The following VSIG4 variants were observed in gnomAD, a reference collection of about 807,000 sequenced individuals.
The protein encoded by VSIG4 is V-set and immunoglobulin domain containing 4.
A neutral mutation model predicts 23.4 loss-of-function variants in VSIG4; 34 were observed. The observed-to-expected ratio is 1.45, with a 90% CI of 1.10 to 1.93. The LOEUF (loss-of-function observed/expected upper bound fraction) is 1.93. Among genes scored for constraint, VSIG4 ranks in the 30% most tolerant of loss-of-function variants. The pLI, the probability that VSIG4 is intolerant of heterozygous loss-of-function variation, is 0.00. For missense variants in VSIG4, 433 were observed against 310.8 expected (o/e 1.39, Z -2.96); for synonymous variants, 169 against 120.3 (o/e 1.41, Z -2.65).
chrX:66,026,762 C>A, intron 5 of VSIG4, among the ~76,000 whole-genome samples: 2 of 111,635 alleles, frequency 1.8e-5, no homozygotes, highest in Admixed American at 1.9e-4. Flanking sequence ...GACTTGGAGT[C>A]TTAGAGATTC....
At chrX:66,022,731 G>T (rs772739676) in intron 7 of VSIG4, 110 bp downstream of exon 7, 1 of 1,185,648 alleles carries the variant, frequency 8.4e-7, no homozygotes, top group East Asian at 3.0e-5. Flanking sequence ...GAAGGCCTCC[G>T]GCCTTAGGAT....
rs34222730 is a variant in VSIG4, at chrX:66,027,469, C to T, written c.815G>A (p.Gly272Glu). 1,457 of 1,202,743 alleles carry T rather than the reference C, an allele frequency of 1.2e-3. 16 individuals are homozygous for T. The highest frequency in any genetic ancestry group is 2.6e-4 in the Non-Finnish European group (233 of 891,024). Residue 272 changes from glycine to glutamate, a missense_variant, in exon 5 of 8, where the codon GGA becomes GAA. Physicochemically the swap from Gly to Glu is moderately conservative, Grantham distance 98. Transcript: ENST00000374737. ...CCTACCTGGCCCAGCACTGGTCTCT[C>T]CAAGGTAGCCATCCATGTCAGTGGT... ...DWTTDMDGYL[G>E]ETSAGPGKSL... is the part of the protein sequence containing the mutation.
intron 1 of VSIG4, among the ~76,000 whole-genome samples, chrX:66,035,263 G>C (rs2085522770): frequency 8.9e-6 from 1 of 112,231 alleles, no homozygotes; most frequent in Non-Finnish European, 1.9e-5. Flanking sequence ...ATTTGGCAGA[G>C]AGCAGAACTC....
rs760488062 is a variant in VSIG4, at chrX:66,033,455, T to G, written c.412+19A>C. 3 of 1,159,303 alleles carry G rather than the reference T, an allele frequency of 2.6e-6. No homozygotes were observed. In the East Asian group the frequency reaches 9.0e-5, roughly 35 times the overall value. On this transcript the variant is annotated intron_variant, in intron 2 of 7. Coordinates refer to ENST00000374737, the MANE Select transcript of VSIG4 (RefSeq NM_007268.3). ...GATTCATTGATTATCAGTGCTTTCC[T>G]ACCCCCATAGTGACTCACGTTTCTG...
chrX:66,033,646 T>A lies in VSIG4; in HGVS notation c.240A>T (p.Ala80=). 8.3e-7 allele frequency: 1 copy of A among 1,211,331 alleles called. No homozygotes were observed. The highest frequency in any genetic ancestry group is 1.1e-6 in the Non-Finnish European group (1 of 895,379). Residue 80 remains alanine (A), a synonymous_variant, in exon 2 of 8, where the codon GCA becomes GCT. Transcript: ENST00000374737. ...TCACATGCAGGCGGCCCTGGTACTTTGCCTGCTGGATATGGTCTCCAGAAG... is the reference window on the plus strand; with the variant it reads ...TCACATGCAGGCGGCCCTGGTACTTAGCCTGCTGGATATGGTCTCCAGAAG... The part of the protein sequence containing the change: ...RDSSGDHIQQ[A]KYQGRLHVSH...
chrX:66,021,853 G>A lies in VSIG4; in HGVS notation c.*410C>T. ...GAAATAACAATTTCAATTAAAAGCT[G>A]TCTGGCCCTGAAGAAAGAGAAATGA... On this transcript the variant is annotated 3_prime_UTR_variant, in exon 8 of 8. Coordinates refer to ENST00000374737, the MANE Select transcript of VSIG4 (RefSeq NM_007268.3). 2 of 293,960 alleles carry A rather than the reference G, an allele frequency of 6.8e-6. No individual in the cohort carries two copies. Among genetic ancestry groups the A allele is most frequent in the Non-Finnish European group, 1.3e-5 (2 of 159,671 alleles). 24.2% of individuals were successfully genotyped at this position (293,960 alleles called of 1,213,427 possible).
At chrX:66,029,893 A>T (rs2085444494) in intron 3 of VSIG4, among the ~76,000 whole-genome samples, 2 of 111,754 alleles carry the variant, frequency 1.8e-5, no homozygotes, top group South Asian at 7.4e-4. Context: ...GGAAAAAATA[A>T]ATACAGATAA....
At chrX:66,033,126 C>T (rs1037593172) in intron 2 of VSIG4, among the ~76,000 whole-genome samples, 1 of 111,169 alleles carries the variant, frequency 9.0e-6, no homozygotes, top group Non-Finnish European at 1.9e-5. Context: ...GCCTCCCTTT[C>T]CCCAGAGCTT....
intron 3 of VSIG4, among the ~76,000 whole-genome samples, chrX:66,029,488 C>G (rs2085439694): frequency 9.0e-6 from 1 of 111,028 alleles, no homozygotes; most frequent in African/African-American, 3.3e-5. Context: ...GAATTCTGCA[C>G]TCTTGAATTT....
intron 1 of VSIG4, among the ~76,000 whole-genome samples, 189 bp from the exon 2 acceptor site, chrX:66,034,019 T>C (rs1196844282): frequency 3.6e-5 from 4 of 112,112 alleles, no homozygotes; most frequent in African/African-American, 1.3e-4. Flanking sequence ...GTCTTCAGAA[T>C]GAAAGCCTTT....
At position 66,032,624 on chromosome X, in the gene VSIG4, GC is replaced by G; in HGVS notation, c.537del (p.Lys179AsnfsTer12). On this transcript the variant is annotated frameshift_variant, in exon 3 of 8. Transcript: ENST00000374737. LOFTEE classifies it high-confidence loss of function. ...ATGGGTTCCTGGTTATTAGTCTGTT[GC>G]TTATACCAAATATAACTGATGGGAG... ...GSPPISYIWY[K>X]QQTNNQEPIK... 2 of 1,211,409 alleles carry G rather than the reference GC, an allele frequency of 1.7e-6. No individual in the cohort carries two copies. The highest frequency in any genetic ancestry group is 2.2e-6 in the Non-Finnish European group (2 of 895,387).
intron 1 of VSIG4, among the ~76,000 whole-genome samples, chrX:66,038,341 G>C (rs1443577323): frequency 9.1e-6 from 1 of 110,128 alleles, no homozygotes; most frequent in Non-Finnish European, 1.9e-5. Flanking sequence ...GAGAGGGAAG[G>C]TATTATTTGC....
At chrX:66,036,973 A>AATATAATATAATATATC (rs2085579077) in intron 1 of VSIG4, among the ~76,000 whole-genome samples, 62 of 24,160 alleles carry the variant, frequency 2.6e-3, no homozygotes, top group Non-Finnish European at 3.4e-3. Context: ...TATAATATAT[A>AATATAATATAATATATC]ATATAATATA....
chrX:66,036,947 ATATTATATTATAT>A (rs2085575835), intron 1 of VSIG4, among the ~76,000 whole-genome samples: 1 of 35,992 alleles, frequency 2.8e-5, no homozygotes, highest in Non-Finnish European at 4.0e-5. Context: ...ATTATATGAT[ATATTATATTATAT>A]TATATAATAT....
chrX:66,021,995 T>C lies in VSIG4; in HGVS notation c.*268A>G. 1 of 1,078,118 alleles carries C rather than the reference T, an allele frequency of 9.3e-7. No individual in the cohort carries two copies. Among genetic ancestry groups the C allele is most frequent in the Non-Finnish European group, 1.3e-6 (1 of 799,606 alleles). The allele number at this position is 1,078,118 out of a possible 1,213,427, so 88.8% of individuals were successfully genotyped here. A position where few individuals can be genotyped will look rare whatever the true frequency, so the allele number is the denominator to read the frequency against. On this transcript the variant is annotated 3_prime_UTR_variant, in exon 8 of 8. Coordinates refer to ENST00000374737, the MANE Select transcript of VSIG4 (RefSeq NM_007268.3). ...GCATGATGACCAAGTCCTAGTGCTATGGGCATCTTCCCTCTGGTATTTAGA... is the reference window on the plus strand; with the variant it reads ...GCATGATGACCAAGTCCTAGTGCTACGGGCATCTTCCCTCTGGTATTTAGA...
intron 6 of VSIG4, among the ~76,000 whole-genome samples, chrX:66,023,614 T>C (rs769545798): frequency 3.6e-4 from 41 of 112,700 alleles, no homozygotes; most frequent in Admixed American, 6.5e-4. Context: ...CGTGTCTTTT[T>C]CATCTTAATA....
intron 3 of VSIG4, among the ~76,000 whole-genome samples, chrX:66,031,821 C>T (rs763609121): frequency 9.0e-5 from 10 of 111,655 alleles, no homozygotes; most frequent in Non-Finnish European, 1.7e-4. Flanking sequence ...AAGAGCCCAT[C>T]TTAAAGGATA....
chrX:66,036,656 T>TATATA (rs1196466272), intron 1 of VSIG4, among the ~76,000 whole-genome samples: 2 of 65,178 alleles, frequency 3.1e-5, no homozygotes, highest in South Asian at 1.4e-3. Flanking sequence ...AATAATATAA[T>TATATA]ATATAATATA....
At position 66,033,490 on chromosome X, in the gene VSIG4, C is replaced by G. The variant is rs752893652; in HGVS notation, c.396G>C (p.Glu132Asp). The change falls in exon 2 of 8, where the codon GAG becomes GAC. Residue 132 changes from glutamate to aspartate, a missense_variant. Glu to Asp is a conservative substitution (Grantham distance 45). Transcript: ENST00000374737. Reference protein sequence around the residue: ...GNQVVRDKITELRVQKLSVSK... With the variant: ...GNQVVRDKITDLRVQKLSVSK... ...GTGACTCACGTTTCTGGACACGGAG[C>G]TCAGTAATCTTATCTCTCACGACTT... 5.0e-6 allele frequency: 6 copies of G among 1,206,120 alleles called. No individual in the cohort carries two copies. In the South Asian group the frequency reaches 1.1e-4, roughly 21 times the overall value.
Sources: allele counts gnomAD v4.1 joint callset (sites outside exome capture counted in the v4.1 genomes callset), GRCh38; gene constraint gnomAD v4.1.1; transcripts MANE v1.5; gene names NCBI Gene and HGNC (gene_info 2026-07-23, HGNC 2026-07-21).